Variants in POLE observed in about 807,000 individuals in gnomAD.
The protein encoded by POLE is DNA polymerase epsilon, catalytic subunit, also known as DNA polymerase epsilon catalytic subunit A.
A neutral mutation model predicts 279.2 loss-of-function variants in POLE; 188 were observed. The observed-to-expected ratio is 0.67, with a 90% CI of 0.60 to 0.76. POLE has a LOEUF of 0.76. Ranked by LOEUF, POLE falls within the 30% of genes least tolerant of loss-of-function variation. The pLI, the probability that POLE is intolerant of heterozygous loss-of-function variation, is 0.00. For synonymous variants in POLE, 1,214 were observed against 1,172.5 expected, an observed-to-expected ratio of 1.04 and a Z score of -0.72; for missense variants, 2,703 against 3,016.7, an observed-to-expected ratio of 0.90 and a Z score of 2.44.
At position 132,637,862 on chromosome 12, in the gene POLE, C is replaced by T. The variant is rs972122834; in HGVS notation, c.5678+152G>A. 3.6e-5 allele frequency: 28 copies of T among 785,258 alleles called. No homozygotes were observed. The African/African-American group carries it at 3.9e-4, about 11-fold the overall frequency. 48.6% of individuals were successfully genotyped at this position (785,258 alleles called of 1,614,324 possible). A position where few individuals can be genotyped will look rare whatever the true frequency, so the allele number is the denominator to read the frequency against. On this transcript the variant is annotated intron_variant, in intron 41 of 48. Coordinates refer to ENST00000320574, the MANE Select transcript of POLE (RefSeq NM_006231.4). ...GCTACCGCGCACAGGTGGCGGTAAC[C>T]CCCTTTTCACGCTGCTCAGATTCAC... is the stretch of plus-strand genomic sequence containing the variant.
chr12:132,640,056 C>T (rs533956006), intron 39 of POLE, among the ~76,000 whole-genome samples: 6 of 152,338 alleles, frequency 3.9e-5, no homozygotes, highest in South Asian at 4.1e-4. Flanking sequence ...GCCTCTCTCC[C>T]GCCTAGCAGG....
rs1593751410 is a variant in POLE, at chr12:132,649,843, G to A, written c.3629C>T (p.Pro1210Leu). Residue 1210 changes from proline (P) to leucine (L), a missense_variant, in exon 30 of 49, where the codon CCT becomes CTT. By Grantham distance (98) the Pro-to-Leu change is moderately conservative. Around this residue, in one of 5 missense-constraint regions of POLE, gnomAD observed 1,551 missense variants for 1,686.1 expected, o/e 0.92. Coordinates refer to ENST00000320574, the MANE Select transcript of POLE (RefSeq NM_006231.4). ...ASEDSPRPSA[P>L]DMEDFGLVKL... ...TACGAGGCCGAAGTCCTCCATGTCA[G>A]GAGCACTTGGCCTCGGACTGTCTTC... 6.2e-7 allele frequency: 1 copy of A among 1,614,164 alleles called. No homozygotes were observed. The highest frequency in any genetic ancestry group is 8.5e-7 in the Non-Finnish European group (1 of 1,180,040).
Position 132,668,269 on chromosome 12 carries a change from C to T in POLE, c.2173+87G>A, listed in dbSNP as rs1224420356. 3 of 1,465,200 alleles carry T rather than the reference C, an allele frequency of 2.0e-6. No individual in the cohort carries two copies. In the African/African-American group the frequency reaches 4.3e-5, roughly 21 times the overall value. The allele number at this position is 1,465,200 out of a possible 1,614,324, so 90.8% of individuals were successfully genotyped here. On this transcript the variant is annotated intron_variant, in intron 19 of 48. Transcript: ENST00000320574. The surrounding 1 kb of genome is among the most constrained non-coding windows in gnomAD (Gnocchi z 4.0). ...TGTGACAACACCTCTGGGGCCCCAG[C>T]TGGGATGGACCAACGCAGCCCAGTA...
chr12:132,658,239 C>T (rs2042592002), intron 26 of POLE: 1 of 397,710 alleles, frequency 2.5e-6, no homozygotes, highest in African/African-American at 2.1e-5. Flanking sequence ...TATACATAAA[C>T]ACATGCGTGT....
At position 132,648,095 on chromosome 12, in the gene POLE, C is replaced by T. The variant is rs540060952; in HGVS notation, c.4149+834G>A. Among the ~76,000 whole-genome samples the T allele has an allele frequency of 3.9e-5, 6 of 152,212 alleles. No homozygotes were observed. In the East Asian group the frequency reaches 5.8e-4, roughly 15 times the overall value. On this transcript the variant is annotated intron_variant, in intron 32 of 48. Transcript: ENST00000320574. ...GCCGACACATTAACAACGGGGAGTTCGGGTGGAGATGCCATCTAAGAGCCT... is the reference window on the plus strand; with the variant it reads ...GCCGACACATTAACAACGGGGAGTTTGGGTGGAGATGCCATCTAAGAGCCT...
Position 132,675,849 on chromosome 12 carries a change from C to G in POLE, c.1021-29G>C, listed in dbSNP as rs1164995158. 6.5e-7 allele frequency: 1 copy of G among 1,546,210 alleles called. No homozygotes were observed. The highest frequency in any genetic ancestry group is 8.9e-7 in the Non-Finnish European group (1 of 1,118,336). On this transcript the variant is annotated intron_variant, in intron 10 of 48. Transcript: ENST00000320574. The surrounding 1 kb of genome is among the most constrained non-coding windows in gnomAD (Gnocchi z 4.3). ...AACCCAAGTCACAGCAGTCAGAGGT[C>G]TGCTCTTTCTCTTCTTCAAGCTATT... is the stretch of plus-strand genomic sequence containing the variant.
intron 37 of POLE, 28 bp downstream of exon 37, chr12:132,642,478 T>C: frequency 6.2e-7 from 1 of 1,604,868 alleles, no homozygotes; most frequent in Non-Finnish European, 8.5e-7. Flanking sequence ...TGGGGACCAC[T>C]GGCCCACAAC....
At chr12:132,676,230 A>C in intron 9 of POLE, 26 bp from the exon 10 acceptor site, 1 of 1,513,146 alleles carries the variant, frequency 6.6e-7, no homozygotes, top group South Asian at 1.1e-5. Context: ...AGCAATCAGC[A>C]CAAGTCAGAG....
Position 132,676,659 on chromosome 12 carries a change from G to T in POLE, c.802-6C>A, listed in dbSNP as rs754779082. 1.3e-6 allele frequency: 2 copies of T among 1,595,158 alleles called. No homozygotes were observed. Among genetic ancestry groups the T allele is most frequent in the South Asian group, 2.2e-5 (2 of 90,620 alleles). ...AATGCCAAAACCACAGGGTCCTGTG[G>T]GGACAAAATAAGCATAAAGCCAAGC... On this transcript the variant is annotated splice_region_variant and splice_polypyrimidine_tract_variant and intron_variant, in intron 8 of 48. Transcript: ENST00000320574.
At position 132,668,650 on chromosome 12, in the gene POLE, A is replaced by G; in HGVS notation, c.2011T>C (p.Trp671Arg). ...CGACACTCACTGAACTCGCCCCTCC[A>G]CTGCCAGGCCATCTTCCGCTGGCAG... ...ANCQRKMAWQ[W>R]RGEFMPASRS... Residue 671 changes from tryptophan to arginine, a missense_variant, in exon 18 of 49, where the codon TGG becomes CGG. Physicochemically the swap from Trp to Arg is moderately radical, Grantham distance 101 (BLOSUM62 -3). This residue lies in a region of POLE where 1,011 missense variants were observed against 1,111.7 expected (regional missense o/e 0.91). Transcript: ENST00000320574. The surrounding 1 kb of genome is among the most constrained non-coding windows in gnomAD (Gnocchi z 4.0). 6.2e-7 allele frequency: 1 copy of G among 1,612,632 alleles called. No homozygotes were observed. The highest frequency in any genetic ancestry group is 1.1e-5 in the South Asian group (1 of 91,034).
rs1389944097 is a variant in POLE at position 132,625,027 on chromosome 12, C to T, written c.6658-33G>A. The T allele has an allele frequency of 1.9e-6, 3 of 1,559,320 alleles. No homozygotes were observed. The East Asian group carries it at 6.7e-5, about 35-fold the overall frequency. ...GGAGCAGCCCCGATGGGCGCCAGCCCTCCCGCGCTGGCCAGACCTGCCTGC... is the reference window on the plus strand; with the variant it reads ...GGAGCAGCCCCGATGGGCGCCAGCCTTCCCGCGCTGGCCAGACCTGCCTGC... On this transcript the variant is annotated intron_variant, in intron 47 of 48. Transcript: ENST00000320574.
In POLE at chr12:132,649,766, A is replaced by G. The variant is rs2042379549; in HGVS notation, c.3706T>C (p.Trp1236Arg). Residue 1236 changes from tryptophan (W) to arginine (R), a missense_variant, in exon 30 of 49, where the codon TGG (tryptophan) becomes CGG (arginine). Trp to Arg is a moderately radical substitution (Grantham distance 101). Coordinates refer to ENST00000320574, the MANE Select transcript of POLE (RefSeq NM_006231.4). ...TCCTGGGACTCCTCCTGGCTCTCCCAAAGAACTCGCTTCCTCTTCACAGTG... is the reference window on the plus strand; with the variant it reads ...TCCTGGGACTCCTCCTGGCTCTCCCGAAGAACTCGCTTCCTCTTCACAGTG... ...PVTVKRKRVLWESQEESQDLT... is the reference protein window; with the variant it reads ...PVTVKRKRVLRESQEESQDLT... The G allele has an allele frequency of 6.2e-7, 1 of 1,614,052 alleles. No individual in the cohort carries two copies. Among genetic ancestry groups the G allele is most frequent in the African/African-American group, 1.3e-5 (1 of 74,906 alleles).
chr12:132,667,702 G>A lies in POLE; in HGVS notation c.2174-54C>T, dbSNP rs2042828902. The A allele has an allele frequency of 1.9e-6, 3 of 1,595,910 alleles. No homozygotes were observed. In the African/African-American group the frequency reaches 4.0e-5, roughly 21 times the overall value. On this transcript the variant is annotated intron_variant, in intron 19 of 48. Transcript: ENST00000320574. ...GTGGGTGAGATCTCCCAGAGCAGAG[G>A]GAGCCAGGGCACAGGGGTGCTGAAG...
chr12:132,662,916 A>C (rs1411395883), intron 23 of POLE, among the ~76,000 whole-genome samples: 2 of 152,198 alleles, frequency 1.3e-5, no homozygotes, highest in Non-Finnish European at 2.9e-5. Context: ...AAACGAGAAC[A>C]AATGGAAGAG....
chr12:132,665,230 C>A, intron 21 of POLE, 72 bp downstream of exon 21: 1 of 1,470,564 alleles, frequency 6.8e-7, no homozygotes, highest in Non-Finnish European at 9.4e-7. Flanking sequence ...CAGCAGCCTA[C>A]ACCTGAAGCT....
At chr12:132,683,046 G>A (rs572993683) in intron 1 of POLE, among the ~76,000 whole-genome samples, 1 of 152,216 alleles carries the variant, frequency 6.6e-6, no homozygotes, top group East Asian at 1.9e-4. Context: ...TTCAACTCAA[G>A]AGCAGAATGA....
Position 132,648,995 on chromosome 12 carries a change from G to A in POLE, c.4083C>T (p.Ser1361=), listed in dbSNP as rs371912034. The change falls in exon 32 of 49, where the codon AGC becomes AGT. Residue 1361 remains serine, a synonymous_variant. Transcript: ENST00000320574. ...GGTTCACGTAGAACACACGGGGGAT[G>A]CTCAGCCTGATGCAGTGCAAGTCAC... ...VGSDLHCIRL[S]IPRVFYVNQR... 2 of 1,613,912 alleles carry A rather than the reference G, an allele frequency of 1.2e-6. No homozygotes were observed. The highest frequency in any genetic ancestry group is 1.7e-6 in the Non-Finnish European group (2 of 1,180,010).
chr12:132,635,027 T>A (rs1482632054), intron 42 of POLE, among the ~76,000 whole-genome samples: 1 of 152,176 alleles, frequency 6.6e-6, no homozygotes, highest in East Asian at 1.9e-4. Flanking sequence ...ACAAAGGGCT[T>A]TCCCTCTGAC....
chr12:132,652,880 A>G (rs1010773420), intron 29 of POLE, among the ~76,000 whole-genome samples: 4 of 152,204 alleles, frequency 2.6e-5, no homozygotes, highest in South Asian at 4.1e-4. Context: ...TTCTTTGGTT[A>G]TTCTTATCCT....
Sources: gnomAD v4.1 joint callset for allele counts (sites outside exome capture counted in the v4.1 genomes callset) on GRCh38, gnomAD v4.1.1 for gene constraint, gnomAD v4.1.1 regional missense constraint, Gnocchi (gnomAD v3.1) non-coding constraint, MANE v1.5 for transcripts, NCBI Gene and HGNC (gene_info 2026-07-23, HGNC 2026-07-21) for gene names.